The following SNX6 variants were observed in gnomAD, a reference collection of about 807,000 sequenced individuals.
The protein encoded by SNX6 is sorting nexin 6.
A neutral mutation model predicts 63.0 loss-of-function variants in SNX6; 34 were observed. The observed-to-expected ratio is 0.54, with a 90% confidence interval of 0.41 to 0.72. The LOEUF (loss-of-function observed/expected upper bound fraction) is 0.72. Among genes scored for constraint, SNX6 ranks in the 30% least tolerant of loss-of-function variants. The pLI is 0.00. For missense variants in SNX6, 398 were observed against 471.4 expected, an observed-to-expected ratio of 0.84 and a Z score of 1.44; for synonymous variants, 170 against 164.2, an observed-to-expected ratio of 1.04 and a Z score of -0.27.
chr14:34,605,808 G>A (rs962840177), intron 4 of SNX6, 91 bp from the exon 5 acceptor site: 3 of 1,458,372 alleles, frequency 2.1e-6, no homozygotes, highest in Admixed American at 2.5e-5. Flanking sequence ...GTCTGGGAAA[G>A]CTAAGGGGAT....
At chr14:34,577,725 G>T (rs1881766098) in intron 10 of SNX6, among the ~76,000 whole-genome samples, 1 of 152,076 alleles carries the variant, frequency 6.6e-6, no homozygotes, top group Admixed American at 6.6e-5. Context: ...ATAATAAAAA[G>T]CCATTTATGA....
chr14:34,612,126 A>G (rs927709512), intron 2 of SNX6, among the ~76,000 whole-genome samples: 1 of 151,694 alleles, frequency 6.6e-6, no homozygotes, highest in African/African-American at 2.4e-5. Context: ...TTTTAAATAG[A>G]GACAGGGTCT....
chr14:34,622,359 T>C (rs1250319499), intron 2 of SNX6, among the ~76,000 whole-genome samples: 1 of 150,964 alleles, frequency 6.6e-6, no homozygotes, highest in Non-Finnish European at 1.5e-5. Flanking sequence ...GGTGGGTGGA[T>C]CACGAGGTCA....
intron 2 of SNX6, among the ~76,000 whole-genome samples, chr14:34,616,718 A>G (rs1329049793): frequency 2.6e-5 from 4 of 152,138 alleles, no homozygotes; most frequent in African/African-American, 7.2e-5. Flanking sequence ...TTTAGCAAAA[A>G]GTCAATCATT....
At chr14:34,608,614 T>C (rs1020702995) in intron 3 of SNX6, among the ~76,000 whole-genome samples, 1 of 152,214 alleles carries the variant, frequency 6.6e-6, no homozygotes, top group Admixed American at 6.6e-5. Context: ...AGGCTTATTA[T>C]ATTGTACTGC....
Position 34,567,915 on chromosome 14 carries a change from G to A in SNX6, c.1020C>T (p.Ala340=), listed in dbSNP as rs200347901. ...GACAACATAATTGTTGGGAAGTTTC[G>A]GCCTGTAGAACATCTTTATTTTTTG... The part of the protein sequence containing the change: ...ARAKNKDVLQ[A]ETSQQLCCQK... The change falls in exon 12 of 14, where the codon GCC becomes GCT. Residue 340 remains alanine, a synonymous_variant. Coordinates refer to ENST00000362031, the MANE Select transcript of SNX6 (RefSeq NM_152233.4). The A allele has an allele frequency of 1.4e-4, 226 of 1,613,662 alleles. No homozygotes were observed. Among genetic ancestry groups the A allele is most frequent in the South Asian group, 9.8e-4 (89 of 91,046 alleles).
At chr14:34,618,818 G>A (rs1273652706) in intron 2 of SNX6, among the ~76,000 whole-genome samples, 1 of 152,060 alleles carries the variant, frequency 6.6e-6, no homozygotes, top group Non-Finnish European at 1.5e-5. Context: ...ATCTAAAAGT[G>A]CAGCTCAAAC....
At chr14:34,604,044 T>G in intron 5 of SNX6, 1 of 978,730 alleles carries the variant, frequency 1.0e-6, no homozygotes, top group Non-Finnish European at 1.3e-6. Context: ...GTAATACATG[T>G]CAGTTTGGGG....
intron 2 of SNX6, among the ~76,000 whole-genome samples, chr14:34,613,130 T>C (rs1449853503): frequency 6.6e-6 from 1 of 151,176 alleles, no homozygotes; most frequent in Non-Finnish European, 1.5e-5. Flanking sequence ...ATTAGAGTAA[T>C]GCAGCCACAA....
intron 6 of SNX6, 49 bp downstream of exon 6, chr14:34,603,299 A>T (rs1174256891): frequency 1.9e-5 from 30 of 1,549,560 alleles, no homozygotes; most frequent in Non-Finnish European, 2.5e-5. Flanking sequence ...AAAAAAAAGA[A>T]GAAGAAGAAG....
chr14:34,617,548 C>T (rs1883462096), intron 2 of SNX6, among the ~76,000 whole-genome samples: 1 of 143,912 alleles, frequency 6.9e-6, no homozygotes, highest in Non-Finnish European at 1.5e-5. Flanking sequence ...ACTGAGGCTG[C>T]CGTGGGCTGT....
At chr14:34,568,129 A>G in intron 11 of SNX6, 116 bp from the exon 12 acceptor site, 1 of 755,926 alleles carries the variant, frequency 1.3e-6, no homozygotes, top group Non-Finnish European at 2.0e-6. Context: ...TGAATACTAC[A>G]TGCCAGTTAC....
chr14:34,581,312 C>T (rs1881924369), intron 10 of SNX6, among the ~76,000 whole-genome samples: 1 of 152,160 alleles, frequency 6.6e-6, no homozygotes, highest in Non-Finnish European at 1.5e-5. Context: ...CGTCACCACG[C>T]CCAACTAATT....
chr14:34,564,332 CT>C (rs1566460090), intron 13 of SNX6, among the ~76,000 whole-genome samples: 1 of 152,064 alleles, frequency 6.6e-6, no homozygotes, highest in Admixed American at 6.6e-5. Flanking sequence ...CCAGCCTTCA[CT>C]GTAGGATATT....
At chr14:34,576,600 T>C (rs1474889349) in intron 10 of SNX6, among the ~76,000 whole-genome samples, 8 of 151,448 alleles carry the variant, frequency 5.3e-5, no homozygotes, top group Admixed American at 1.3e-4. Flanking sequence ...AGGCATGCAC[T>C]GCCACGCCTG....
At chr14:34,629,679 C>A (rs1242764024) in intron 2 of SNX6, 1 of 739,850 alleles carries the variant, frequency 1.4e-6, no homozygotes, top group South Asian at 1.5e-5. Context: ...GCCCGAACAG[C>A]GGCGGGGGAC....
chr14:34,570,582 G>A (rs1241474171), intron 11 of SNX6, among the ~76,000 whole-genome samples: 2 of 151,304 alleles, frequency 1.3e-5, no homozygotes, highest in Non-Finnish European at 2.9e-5. Flanking sequence ...CACCATACCT[G>A]GCTAATTTTT....
At chr14:34,602,515 TG>T (rs1159031711) in intron 6 of SNX6, among the ~76,000 whole-genome samples, 3 of 136,190 alleles carry the variant, frequency 2.2e-5, no homozygotes, top group African/African-American at 5.6e-5. Context: ...CACTTGAACT[TG>T]GGAGGAGGAG....
chr14:34,564,202 A>G (rs1881065002), intron 13 of SNX6, among the ~76,000 whole-genome samples: 1 of 151,470 alleles, frequency 6.6e-6, no homozygotes, highest in Admixed American at 6.6e-5. Context: ...AATTTTTTGT[A>G]TTTTTAGTAG....
Sources: allele counts gnomAD v4.1 joint callset (sites outside exome capture counted in the v4.1 genomes callset), GRCh38; gene constraint gnomAD v4.1.1; transcripts MANE v1.5; gene names NCBI Gene and HGNC (gene_info 2026-07-23, HGNC 2026-07-21).